The following MEF2A variants were observed in gnomAD, a reference collection of about 807,000 sequenced individuals.
MEF2A encodes myocyte enhancer factor 2A, also known as myocyte-specific enhancer factor 2A.
In MEF2A, 28 loss-of-function variants were observed where a neutral mutation model predicts 55.8. That is an observed-to-expected ratio of 0.50 (90% CI 0.37 to 0.69). The LOEUF (loss-of-function observed/expected upper bound fraction) is 0.69, where lower values mean the gene tolerates loss of function less well. Among genes scored for constraint, MEF2A ranks in the 30% least tolerant of loss-of-function variants. The pLI, the probability that MEF2A is intolerant of heterozygous loss-of-function variation, is 0.00. For synonymous variants in MEF2A, 239 were observed against 227.1 expected, an observed-to-expected ratio of 1.05 and a Z score of -0.47; for missense variants, 528 against 626.2, an observed-to-expected ratio of 0.84 and a Z score of 1.67.
chr15:99,567,007 A>C (rs1959923497), intron 1 of MEF2A, among the ~76,000 whole-genome samples: 1 of 152,218 alleles, frequency 6.6e-6, no homozygotes, highest in Non-Finnish European at 1.5e-5. Flanking sequence ...AGTAAGTGAG[A>C]TAGTGCAAAC....
chr15:99,596,869 G>T lies in MEF2A; in HGVS notation c.-224-1561G>T, dbSNP rs144923007. On this transcript the variant is annotated intron_variant, in intron 1 of 11. Transcript: ENST00000557942. The stretch of plus-strand genomic sequence containing the variant: ...TCAGGGACCCCAAACGGAGGGACTG[G>T]CTGAAGCCATGGCAGAAGAACGTGG... Among the ~76,000 whole-genome samples the T allele has an allele frequency of 3.0e-3, 454 of 152,292 alleles. 1 individual carries two copies. The highest frequency in any genetic ancestry group is 0.01 in the African/African-American group (428 of 41,560).
At chr15:99,700,761 C>G (rs887434675) in intron 8 of MEF2A, among the ~76,000 whole-genome samples, 1 of 152,042 alleles carries the variant, frequency 6.6e-6, no homozygotes, top group African/African-American at 2.4e-5. Context: ...TAAGAAAGTG[C>G]GTATCAAAAG....
chr15:99,712,770 A>G lies in MEF2A; in HGVS notation c.1517A>G (p.Ter506=). Residue 506 remains the stop codon, a stop_retained_variant, in exon 12 of 12, where the codon TAA becomes TGA. Transcript: ENST00000557942. The surrounding 1 kb of genome is among the most constrained non-coding windows in gnomAD (Gnocchi z 4.1). ...KRMRMDAWVT[*] The stretch of plus-strand genomic sequence containing the variant: ...ATGAGGATGGACGCGTGGGTGACCT[A>G]AGGCTTCCAAGCTGATGTTTGTACT... 1 of 1,553,644 alleles carries G rather than the reference A, an allele frequency of 6.4e-7. No homozygotes were observed. The highest frequency in any genetic ancestry group is 1.2e-5 in the South Asian group (1 of 84,116).
intron 2 of MEF2A, among the ~76,000 whole-genome samples, chr15:99,612,321 G>C (rs2039407796): frequency 6.6e-6 from 1 of 152,016 alleles, no homozygotes; most frequent in Non-Finnish European, 1.5e-5. Context: ...AGAGGCTGAG[G>C]CAGGAGAATG....
In MEF2A at chr15:99,714,046, T is replaced by G. The variant is rs547679513; in HGVS notation, c.*1275T>G. Reference sequence around the variant, plus strand: ...CTTTGGATTTTAATTATTAGCCCAGTTTTTTCAGAGGATTGTATAAAGGGG... The same window carrying G: ...CTTTGGATTTTAATTATTAGCCCAGGTTTTTCAGAGGATTGTATAAAGGGG... On this transcript the variant is annotated 3_prime_UTR_variant, in exon 12 of 12. Coordinates refer to ENST00000557942, the MANE Select transcript of MEF2A (RefSeq NM_001319206.4). The G allele has an allele frequency of 1.3e-5, 2 of 152,326 alleles. No homozygotes were observed. The highest frequency in any genetic ancestry group is 4.8e-5 in the African/African-American group (2 of 41,582). The allele number at this position is 152,326 out of a possible 1,614,324, so 9.4% of individuals were successfully genotyped here.
chr15:99,590,706 C>T (rs1968973491), intron 1 of MEF2A, among the ~76,000 whole-genome samples: 1 of 151,766 alleles, frequency 6.6e-6, no homozygotes, highest in Non-Finnish European at 1.5e-5. Context: ...GAACTTATCG[C>T]AATCCACCTT....
chr15:99,662,612 A>G (rs2048848099), intron 4 of MEF2A, among the ~76,000 whole-genome samples: 1 of 152,018 alleles, frequency 6.6e-6, no homozygotes, highest in South Asian at 2.1e-4. Context: ...AGTACCTGGA[A>G]TTACAGGTGT....
intron 7 of MEF2A, among the ~76,000 whole-genome samples, chr15:99,684,712 CTATT>C (rs1332523821): frequency 1.3e-5 from 2 of 152,230 alleles, no homozygotes; most frequent in Admixed American, 1.3e-4. Flanking sequence ...TAGGTCCCAT[CTATT>C]TATTTTTGTC....
intron 7 of MEF2A, among the ~76,000 whole-genome samples, chr15:99,685,960 GT>G (rs950906293): frequency 6.6e-6 from 1 of 151,994 alleles, no homozygotes; most frequent in Non-Finnish European, 1.5e-5. Context: ...TTTATTAGCA[GT>G]TTTTAAAATT....
chr15:99,698,033 AAAAC>A (rs2056771026), intron 8 of MEF2A, among the ~76,000 whole-genome samples: 1 of 152,236 alleles, frequency 6.6e-6, no homozygotes, highest in African/African-American at 2.4e-5. Flanking sequence ...ACACAAAACA[AAAAC>A]AACCCAAAGT....
chr15:99,692,823 C>T (rs145329240), intron 8 of MEF2A, among the ~76,000 whole-genome samples: 2 of 152,250 alleles, frequency 1.3e-5, no homozygotes, highest in African/African-American at 2.4e-5. Flanking sequence ...TCTGAGAAGA[C>T]GAACAACAAA....
At chr15:99,682,574 A>G (rs2053444494) in intron 7 of MEF2A, among the ~76,000 whole-genome samples, 1 of 152,224 alleles carries the variant, frequency 6.6e-6, no homozygotes, top group Non-Finnish European at 1.5e-5. Flanking sequence ...GCACTCTACA[A>G]AATAACAAGT....
chr15:99,658,603 T>TAA (rs550892971), intron 4 of MEF2A, among the ~76,000 whole-genome samples: 3 of 138,730 alleles, frequency 2.2e-5, no homozygotes, highest in African/African-American at 2.6e-5. Context: ...AGTAAATGTG[T>TAA]AAAAAAAAAA....
chr15:99,587,271 C>T (rs1203015165), intron 1 of MEF2A, among the ~76,000 whole-genome samples: 7 of 151,950 alleles, frequency 4.6e-5, no homozygotes, highest in Non-Finnish European at 8.8e-5. Context: ...TGTGTTCTTA[C>T]TGTTCAGCTC....
rs143536868 is a variant in MEF2A, at chr15:99,591,387, C to G, written c.-224-7043C>G. ...TGTAAACTTGTTGCATTACTCTTGA[C>G]AAGGAGTCTGGTAATTATTATCTTT... On this transcript the variant is annotated intron_variant, in intron 1 of 11. Transcript: ENST00000557942. Among the ~76,000 whole-genome samples the G allele has an allele frequency of 9.2e-5, 14 of 152,226 alleles. No homozygotes were observed. In the East Asian group the frequency reaches 2.1e-3, roughly 23 times the overall value.
At chr15:99,697,739 A>G (rs190465174) in intron 8 of MEF2A, among the ~76,000 whole-genome samples, 5 of 152,320 alleles carry the variant, frequency 3.3e-5, no homozygotes, top group East Asian at 1.9e-4. Context: ...TCTAAAATAT[A>G]TAGGTAAAGA....
chr15:99,580,082 T>G (rs186761577), intron 1 of MEF2A, among the ~76,000 whole-genome samples: 230 of 152,228 alleles, frequency 1.5e-3, no homozygotes, highest in African/African-American at 5.3e-3. Flanking sequence ...TAGGGTGGGT[T>G]TAATATTTCT....
chr15:99,572,057 T>C (rs1278520851), intron 1 of MEF2A, among the ~76,000 whole-genome samples: 1 of 151,818 alleles, frequency 6.6e-6, no homozygotes, highest in Non-Finnish European at 1.5e-5. Context: ...CTGAGAATTA[T>C]TTTAAGAGCC....
At chr15:99,616,685 A>G (rs2040240829) in intron 2 of MEF2A, among the ~76,000 whole-genome samples, 1 of 152,108 alleles carries the variant, frequency 6.6e-6, no homozygotes, top group Admixed American at 6.5e-5. Flanking sequence ...ATAAATATAT[A>G]TATATATACA....
Sources: gnomAD v4.1 joint callset for allele counts (sites outside exome capture counted in the v4.1 genomes callset) on GRCh38, gnomAD v4.1.1 for gene constraint, Gnocchi (gnomAD v3.1) non-coding constraint, MANE v1.5 for transcripts, NCBI Gene and HGNC (gene_info 2026-07-23, HGNC 2026-07-21) for gene names.